FGF13: variants seen among roughly 807,000 people sequenced by gnomAD.
FGF13 encodes the protein fibroblast growth factor 13.
FGF13 carries 2 observed loss-of-function variants against 19.5 expected under a neutral mutation model. The ratio of observed to expected loss-of-function variants is 0.10; its 90% confidence interval spans 0.04 to 0.32. FGF13 has a LOEUF of 0.32. Ranked by LOEUF, FGF13 falls within the 10% of genes least tolerant of loss-of-function variation. The probability of loss-of-function intolerance (pLI) is 1.00; values close to 1 mark genes in which losing one functional copy is unlikely to be tolerated. For missense variants in FGF13, 113 were observed against 192.7 expected, an observed-to-expected ratio of 0.59 and a Z score of 2.45; for synonymous variants, 72 against 76.9, an observed-to-expected ratio of 0.94 and a Z score of 0.33.
intron 1 of FGF13, among the ~76,000 whole-genome samples, chrX:139,034,059 G>A (rs1022178228): frequency 9.0e-6 from 1 of 111,429 alleles, no homozygotes; most frequent in African/African-American, 3.3e-5. Flanking sequence ...CAGAATTATT[G>A]ACATATTACA....
At chrX:139,070,049 A>G (rs2092371551) in intron 1 of FGF13, among the ~76,000 whole-genome samples, 1 of 112,167 alleles carries the variant, frequency 8.9e-6, no homozygotes, top group African/African-American at 3.2e-5. Context: ...CCTAGGCAAT[A>G]CCATTCAGGA....
chrX:139,120,165 C>T (rs949096353), intron 1 of FGF13, among the ~76,000 whole-genome samples: 2 of 112,512 alleles, frequency 1.8e-5, no homozygotes, highest in Admixed American at 9.3e-5. Flanking sequence ...GTAAGTTTCT[C>T]GAGGCCTCCC....
At chrX:138,878,980 C>T (rs1040175099) in intron 1 of FGF13, among the ~76,000 whole-genome samples, 5 of 111,421 alleles carry the variant, frequency 4.5e-5, no homozygotes, top group African/African-American at 1.6e-4. Context: ...ATATCCTTCG[C>T]CCACTTTTTG....
intron 3 of FGF13, among the ~76,000 whole-genome samples, chrX:138,640,398 C>A (rs183874605): frequency 1.8e-5 from 2 of 111,932 alleles, no homozygotes; most frequent in East Asian, 5.7e-4. Flanking sequence ...CGTTTTTTCC[C>A]CCGAACAAAG....
chrX:139,066,742 T>C (rs770862285), intron 1 of FGF13, among the ~76,000 whole-genome samples: 9 of 109,286 alleles, frequency 8.2e-5, no homozygotes, highest in South Asian at 7.8e-4. Flanking sequence ...TTCCAAATGA[T>C]AGAAAAAGAA....
chrX:139,202,242 A>T (rs748231337), intron 1 of FGF13, among the ~76,000 whole-genome samples: 6 of 112,223 alleles, frequency 5.3e-5, no homozygotes, highest in Non-Finnish European at 1.1e-4. Context: ...GAAATCAGGA[A>T]CCAAAGTTCC....
At position 139,031,647 on chromosome X, in the gene FGF13, G is replaced by A. The variant is rs764524980; in HGVS notation, c.-112-166997C>T. ...TTCTGGGTTGATGCAAAGGAATCAAGCATTGAGTCTGTCATGAAGTAGCCC... is the reference window on the plus strand; with the variant it reads ...TTCTGGGTTGATGCAAAGGAATCAAACATTGAGTCTGTCATGAAGTAGCCC... On this transcript the variant is annotated intron_variant, in intron 1 of 2. Transcript: ENST00000421460. 3.7e-5 allele frequency among the ~76,000 whole-genome samples: 4 copies of A among 109,171 alleles called. No individual in the cohort carries two copies. In the East Asian group the frequency reaches 1.2e-3, roughly 32 times the overall value. The allele number at this position is 109,171 out of a possible 115,157, so 94.8% of individuals were successfully genotyped here. A position where few individuals can be genotyped will look rare whatever the true frequency, so the allele number is the denominator to read the frequency against.
chrX:138,705,261 G>A (rs192191825), intron 2 of FGF13, among the ~76,000 whole-genome samples: 10 of 111,059 alleles, frequency 9.0e-5, no homozygotes, highest in African/African-American at 2.9e-4. Context: ...AACTTTCTTA[G>A]TTCTCTTAAT....
intron 1 of FGF13, among the ~76,000 whole-genome samples, chrX:139,071,875 G>A (rs1321854706): frequency 9.3e-6 from 1 of 107,884 alleles, no homozygotes; most frequent in Non-Finnish European, 1.9e-5. Context: ...AATTAGCTGG[G>A]CGCAGTGACA....
intron 1 of FGF13, among the ~76,000 whole-genome samples, chrX:138,924,712 A>G (rs1464519419): frequency 9.1e-6 from 1 of 110,292 alleles, no homozygotes; most frequent in Non-Finnish European, 1.9e-5. Flanking sequence ...TGAATGACAT[A>G]CAGTAGTATG....
intron 3 of FGF13, among the ~76,000 whole-genome samples, chrX:138,793,409 C>T (rs927550459): frequency 1.8e-5 from 2 of 111,215 alleles, no homozygotes; most frequent in African/African-American, 6.5e-5. Flanking sequence ...TACAAATCCC[C>T]AGCTACAGAT....
At chrX:138,701,277 T>C (rs906510027) in intron 3 of FGF13, among the ~76,000 whole-genome samples, 1 of 112,085 alleles carries the variant, frequency 8.9e-6, no homozygotes, top group Non-Finnish European at 1.9e-5. Flanking sequence ...TTATCATGCC[T>C]TCACAATATT....
In FGF13 at chrX:138,628,379, A is replaced by AT. The variant is rs1252800592; in HGVS notation, c.*4470dup. ...ATACCACTGCCATATCCCTGTACAG[A>AT]TTTTTGTACTGACAATCACAGCCCT... On this transcript the variant is annotated 3_prime_UTR_variant, in exon 5 of 5. Coordinates refer to ENST00000315930, the MANE Select transcript of FGF13 (RefSeq NM_004114.5). 41 of 112,129 alleles carry AT rather than the reference A, an allele frequency of 3.7e-4. No individual in the cohort carries two copies. The highest frequency in any genetic ancestry group is 1.3e-3 in the African/African-American group (41 of 30,846). The allele number at this position is 112,129 out of a possible 1,213,427, so 9.2% of individuals were successfully genotyped here. A position where few individuals can be genotyped will look rare whatever the true frequency, so the allele number is the denominator to read the frequency against.
chrX:138,686,745 T>C (rs1457334705), intron 3 of FGF13, among the ~76,000 whole-genome samples: 1 of 111,766 alleles, frequency 8.9e-6, no homozygotes. Flanking sequence ...ACAAACTGTG[T>C]AAATGACACC....
chrX:138,695,740 G>A (rs1331717830), intron 3 of FGF13, among the ~76,000 whole-genome samples: 1 of 111,799 alleles, frequency 8.9e-6, no homozygotes, highest in Non-Finnish European at 1.9e-5. Flanking sequence ...AACTAAAATC[G>A]GACTATAAGT....
At chrX:138,805,689 A>C (rs2090861319) in intron 3 of FGF13, among the ~76,000 whole-genome samples, 1 of 112,287 alleles carries the variant, frequency 8.9e-6, no homozygotes, top group African/African-American at 3.2e-5. Flanking sequence ...AAAAAATTTT[A>C]TTTTATTGTA....
chrX:138,822,092 T>A (rs2091003402), intron 3 of FGF13, among the ~76,000 whole-genome samples: 1 of 111,659 alleles, frequency 9.0e-6, no homozygotes, highest in African/African-American at 3.3e-5. Context: ...GAAATGTGGT[T>A]TTTCCTCTGC....
chrX:139,052,695 C>T (rs954905354), intron 1 of FGF13, among the ~76,000 whole-genome samples: 1 of 111,568 alleles, frequency 9.0e-6, no homozygotes, highest in East Asian at 2.8e-4. Context: ...GCCCTCCATT[C>T]GAAAGTCAAC....
intron 1 of FGF13, among the ~76,000 whole-genome samples, chrX:139,087,626 T>C (rs1002935574): frequency 1.8e-5 from 2 of 111,676 alleles, no homozygotes; most frequent in Non-Finnish European, 3.8e-5. Flanking sequence ...GTTATTTCAG[T>C]TGTGAGAAGC....
Sources: allele counts gnomAD v4.1 joint callset (sites outside exome capture counted in the v4.1 genomes callset), GRCh38; gene constraint gnomAD v4.1.1; transcripts MANE v1.5; gene names NCBI Gene and HGNC (gene_info 2026-07-23, HGNC 2026-07-21).